Variants in EXOC1 observed in about 807,000 individuals in gnomAD.
EXOC1 encodes the protein exocyst complex component 1.
A neutral mutation model predicts 107.7 loss-of-function variants in EXOC1; 67 were observed. That is an observed-to-expected ratio of 0.62 (90% CI 0.51 to 0.76). The LOEUF is 0.76. Ranked by LOEUF, EXOC1 falls within the 30% of genes least tolerant of loss-of-function variation. The pLI, the probability that EXOC1 is intolerant of heterozygous loss-of-function variation, is 0.00. For synonymous variants in EXOC1, 348 were observed against 353.5 expected (o/e 0.98, Z 0.17); for missense variants, 833 against 1,055.7 (o/e 0.79, Z 2.92).
intron 15 of EXOC1, 95 bp downstream of exon 15, chr4:55,893,875 T>C: frequency 9.9e-7 from 1 of 1,005,198 alleles, no homozygotes; most frequent in Non-Finnish European, 1.4e-6. Flanking sequence ...AGCTTTCTGT[T>C]GGGGAATCTG....
At chr4:55,890,728 T>G (rs1485872434) in intron 12 of EXOC1, among the ~76,000 whole-genome samples, 1 of 152,098 alleles carries the variant, frequency 6.6e-6, no homozygotes, top group Non-Finnish European at 1.5e-5. Flanking sequence ...TTAAATAAGT[T>G]TTTTTGTTTG....
chr4:55,894,586 A>C (rs1234765341), intron 15 of EXOC1, among the ~76,000 whole-genome samples: 1 of 148,490 alleles, frequency 6.7e-6, no homozygotes, highest in African/African-American at 2.5e-5. Flanking sequence ...AATAGAAAAA[A>C]ATTTGACAAC....
At position 55,875,930 on chromosome 4, in the gene EXOC1, A is replaced by T. The variant is rs537816398; in HGVS notation, c.1075-1987A>T. Reference sequence around the variant, plus strand: ...TAAAAATAAATTTTTAAAAAATAAAACACAATTTGGAGACATTTATAGACC... The same window carrying T: ...TAAAAATAAATTTTTAAAAAATAAATCACAATTTGGAGACATTTATAGACC... On this transcript the variant is annotated intron_variant, in intron 8 of 18. Coordinates refer to ENST00000381295, the MANE Select transcript of EXOC1 (RefSeq NM_001024924.2). 7.5e-6 allele frequency: 7 copies of T among 929,462 alleles called. No homozygotes were observed. The African/African-American group carries it at 1.2e-4, about 17-fold the overall frequency. The allele number at this position is 929,462 out of a possible 1,614,324, so 57.6% of individuals were successfully genotyped here. A position where few individuals can be genotyped will look rare whatever the true frequency, so the allele number is the denominator to read the frequency against.
intron 3 of EXOC1, among the ~76,000 whole-genome samples, chr4:55,862,992 C>A (rs1032166589): frequency 6.6e-6 from 1 of 152,134 alleles, no homozygotes; most frequent in African/African-American, 2.4e-5. Context: ...CCTCCACCTT[C>A]CGGGCTCAAG....
intron 9 of EXOC1, among the ~76,000 whole-genome samples, chr4:55,879,627 G>A: frequency 6.6e-6 from 1 of 152,184 alleles, no homozygotes; most frequent in East Asian, 1.9e-4. Context: ...GGAAGCCATA[G>A]GGACAGTCCT....
chr4:55,870,896 G>T lies in EXOC1; in HGVS notation c.822G>T (p.Glu274Asp). Residue 274 changes from glutamate to aspartate, a missense_variant, in exon 6 of 19, where the codon GAG becomes GAT. Physicochemically the swap from Glu to Asp is conservative, Grantham distance 45. Around this residue, in one of 2 missense-constraint regions of EXOC1, gnomAD observed 617 missense variants for 701.3 expected, o/e 0.88. Coordinates refer to ENST00000381295, the MANE Select transcript of EXOC1 (RefSeq NM_001024924.2). ...ATGTAAAACTCCTATCTGAGATAGA[G>T]TTCCTTGTGGTAAGTATGATCATAA... is the stretch of plus-strand genomic sequence containing the variant. The part of the protein sequence containing the change: ...TNNVKLLSEI[E>D]FLVNHMDLAK... 3.7e-6 allele frequency: 6 copies of T among 1,612,126 alleles called. No homozygotes were observed. The highest frequency in any genetic ancestry group is 5.1e-6 in the Non-Finnish European group (6 of 1,178,802).
rs1224700855 is a variant in EXOC1, at chr4:55,864,290, G to A, written c.319G>A (p.Glu107Lys). The change falls in exon 4 of 19, where the codon GAA (glutamate) becomes AAA (lysine). Residue 107 changes from glutamate (E) to lysine (K), a missense_variant. Physicochemically the swap from Glu to Lys is moderately conservative, Grantham distance 56 (BLOSUM62 1). Transcript: ENST00000381295. ...TAAATGGGTTGCCAGCAGCACTGCTGAAAAGAATGCATTTATTTCATGCAT... is the reference window on the plus strand; with the variant it reads ...TAAATGGGTTGCCAGCAGCACTGCTAAAAAGAATGCATTTATTTCATGCAT... ...IYKWVASSTA[E>K]KNAFISCIWK... The A allele has an allele frequency of 6.2e-7, 1 of 1,609,424 alleles. No homozygotes were observed. The highest frequency in any genetic ancestry group is 8.5e-7 in the Non-Finnish European group (1 of 1,177,716).
intron 9 of EXOC1, among the ~76,000 whole-genome samples, chr4:55,880,851 T>C (rs1333700346): frequency 1.3e-5 from 2 of 152,220 alleles, no homozygotes; most frequent in Non-Finnish European, 2.9e-5. Context: ...TGCGTCATCC[T>C]GTGATTTGAG....
rs1206776773 is a variant in EXOC1 at position 55,888,950 on chromosome 4, A to G, written c.1375+18A>G. ...AACAGAGAGTGAGTATGCTTAGTGT[A>G]TTAGTAGGTATTCTCAATGCATGTT... On this transcript the variant is annotated intron_variant, in intron 11 of 18. Coordinates refer to ENST00000381295, the MANE Select transcript of EXOC1 (RefSeq NM_001024924.2). 1.2e-6 allele frequency: 2 copies of G among 1,610,972 alleles called. No individual in the cohort carries two copies. Among genetic ancestry groups the G allele is most frequent in the African/African-American group, 2.7e-5 (2 of 74,856 alleles).
chr4:55,884,526 A>T (rs1289278604), intron 10 of EXOC1, among the ~76,000 whole-genome samples: 1 of 152,218 alleles, frequency 6.6e-6, no homozygotes, highest in Non-Finnish European at 1.5e-5. Context: ...GTTTATAAGT[A>T]TTTTAAATGG....
At chr4:55,855,634 CTT>C (rs933328913) in intron 1 of EXOC1, among the ~76,000 whole-genome samples, 3 of 152,102 alleles carry the variant, frequency 2.0e-5, no homozygotes, top group African/African-American at 7.2e-5. Flanking sequence ...AGAAATTACT[CTT>C]TGCGTGGGGC....
intron 3 of EXOC1, among the ~76,000 whole-genome samples, chr4:55,863,828 C>T (rs981016698): frequency 1.2e-4 from 18 of 152,066 alleles, no homozygotes; most frequent in African/African-American, 4.1e-4. Context: ...ATTACAGTTT[C>T]AAATAGTAGT....
chr4:55,899,377 A>G (rs1577787369), intron 16 of EXOC1, among the ~76,000 whole-genome samples: 1 of 152,126 alleles, frequency 6.6e-6, no homozygotes, highest in Non-Finnish European at 1.5e-5. Flanking sequence ...AGGAACTTAA[A>G]TTTCATATAT....
chr4:55,903,491 C>T (rs1031921169), intron 18 of EXOC1, among the ~76,000 whole-genome samples: 1 of 152,112 alleles, frequency 6.6e-6, no homozygotes, highest in Non-Finnish European at 1.5e-5. Context: ...AAGTAAAAAG[C>T]ATAACACTGC....
intron 9 of EXOC1, among the ~76,000 whole-genome samples, chr4:55,880,993 G>A (rs1456249130): frequency 6.6e-6 from 1 of 152,172 alleles, no homozygotes; most frequent in Non-Finnish European, 1.5e-5. Context: ...TGTTTCTTTA[G>A]TAAGAAATCA....
At chr4:55,890,504 A>G (rs566763352) in intron 12 of EXOC1, 118 bp downstream of exon 12, 2 of 592,300 alleles carry the variant, frequency 3.4e-6, no homozygotes, top group African/African-American at 1.9e-5. Flanking sequence ...AGCATTAACC[A>G]TGTCTTTCCA....
At chr4:55,882,882 C>G (rs1046677398) in intron 9 of EXOC1, 12 of 151,918 alleles carry the variant, frequency 7.9e-5, no homozygotes, top group African/African-American at 2.9e-4. Context: ...AACTTTTCTG[C>G]TTTATTTAAA....
chr4:55,860,300 C>A, intron 2 of EXOC1, 111 bp from the exon 3 acceptor site: 2 of 1,351,396 alleles, frequency 1.5e-6, no homozygotes, highest in Non-Finnish European at 2.0e-6. Flanking sequence ...AAGTATTACA[C>A]CTCTTTTAGT....
rs1290272748 is a variant in EXOC1 at position 55,878,038 on chromosome 4, A to G, written c.1196A>G (p.Asp399Gly). The change falls in exon 9 of 19, where the codon GAT becomes GGT. Residue 399 changes from aspartate (D) to glycine (G), a missense_variant. Transcript: ENST00000381295. ...CTGATGGAGTGGCTAAAGAGTACAG[A>G]TTATGGAAAATATGAAGGACTAACA... Reference protein sequence around the residue: ...AKLMEWLKSTDYGKYEGLTKN... With the variant: ...AKLMEWLKSTGYGKYEGLTKN... 2 of 1,613,456 alleles carry G rather than the reference A, an allele frequency of 1.2e-6. No individual in the cohort carries two copies. The highest frequency in any genetic ancestry group is 4.5e-5 in the East Asian group (2 of 44,840).
Sources: gnomAD v4.1 joint callset for allele counts (sites outside exome capture counted in the v4.1 genomes callset) on GRCh38, gnomAD v4.1.1 for gene constraint, gnomAD v4.1.1 regional missense constraint, MANE v1.5 for transcripts, NCBI Gene and HGNC (gene_info 2026-07-23, HGNC 2026-07-21) for gene names.